SMYD3: variants seen among roughly 807,000 people sequenced by gnomAD.
SMYD3 encodes the protein histone-lysine N-methyltransferase SMYD3.
Under a neutral mutation model 57.7 loss-of-function variants are expected in SMYD3, and 36 were observed. The ratio of observed to expected loss-of-function variants is 0.62; its 90% CI spans 0.48 to 0.82. SMYD3 has a LOEUF of 0.82. Ranked by LOEUF, SMYD3 falls within the 40% of genes least tolerant of loss-of-function variation. The pLI, the probability that SMYD3 is intolerant of heterozygous loss-of-function variation, is 0.00. For synonymous variants in SMYD3, 211 were observed against 195.0 expected, an observed-to-expected ratio of 1.08 and a Z score of -0.68; for missense variants, 515 against 538.8, an observed-to-expected ratio of 0.96 and a Z score of 0.44.
intron 5 of SMYD3, among the ~76,000 whole-genome samples, chr1:246,255,511 A>T (rs1478398786): frequency 2.6e-5 from 4 of 151,944 alleles, no homozygotes; most frequent in Non-Finnish European, 5.9e-5. Flanking sequence ...ATCAACTTTC[A>T]TCCCAGGAAT....
intron 10 of SMYD3, among the ~76,000 whole-genome samples, chr1:245,855,417 T>C (rs998893485): frequency 2.0e-5 from 3 of 152,182 alleles, no homozygotes; most frequent in Non-Finnish European, 4.4e-5. Flanking sequence ...TCTGTAACCA[T>C]CTTTAATAGG....
chr1:246,475,329 GA>G (rs573868002), intron 1 of SMYD3, among the ~76,000 whole-genome samples: 2,422 of 102,956 alleles, frequency 0.024, 24 homozygotes, highest in Non-Finnish European at 0.034. Flanking sequence ...GACTGTCTCA[GA>G]AAAAAAAAAA....
intron 8 of SMYD3, 108 bp from the exon 9 acceptor site, chr1:245,863,994 T>C (rs1026384995): frequency 1.3e-5 from 12 of 952,552 alleles, no homozygotes; most frequent in African/African-American, 1.6e-5. Flanking sequence ...CCTGAAAAGA[T>C]GCTTGGCATC....
intron 1 of SMYD3, among the ~76,000 whole-genome samples, chr1:246,368,267 T>C (rs996013867): frequency 1.3e-5 from 2 of 152,150 alleles, no homozygotes; most frequent in African/African-American, 2.4e-5. Context: ...GGGGGTACTA[T>C]CTTAGGGACC....
intron 5 of SMYD3, among the ~76,000 whole-genome samples, chr1:246,185,848 A>G (rs1026601776): frequency 6.6e-6 from 1 of 152,228 alleles, no homozygotes; most frequent in African/African-American, 2.4e-5. Context: ...GCCAAAAAGA[A>G]CTTACACAAT....
chr1:245,968,189 T>C (rs2058203816), intron 5 of SMYD3, among the ~76,000 whole-genome samples: 1 of 151,906 alleles, frequency 6.6e-6, no homozygotes, highest in Admixed American at 6.6e-5. Context: ...ACCACAGATC[T>C]GAGCACTTTA....
chr1:246,156,054 G>A (rs182875612), intron 5 of SMYD3, among the ~76,000 whole-genome samples: 1 of 151,782 alleles, frequency 6.6e-6, no homozygotes, highest in Non-Finnish European at 1.5e-5. Context: ...TCGAAGGACA[G>A]AATTTTTTTT....
chr1:246,080,491 G>A (rs546454215), intron 5 of SMYD3, among the ~76,000 whole-genome samples: 2 of 152,242 alleles, frequency 1.3e-5, no homozygotes, highest in East Asian at 3.9e-4. Context: ...CCCCATCCAT[G>A]AAAAACTGTC....
At chr1:246,156,954 C>T (rs1014416989) in intron 5 of SMYD3, among the ~76,000 whole-genome samples, 1 of 152,126 alleles carries the variant, frequency 6.6e-6, no homozygotes, top group Non-Finnish European at 1.5e-5. Context: ...ATAAACAATC[C>T]AACGTAGGCA....
At chr1:246,246,240 T>A (rs2063701890) in intron 5 of SMYD3, among the ~76,000 whole-genome samples, 1 of 152,230 alleles carries the variant, frequency 6.6e-6, no homozygotes, top group Non-Finnish European at 1.5e-5. Flanking sequence ...TCTCTTCCCC[T>A]TTACTACCTA....
intron 5 of SMYD3, among the ~76,000 whole-genome samples, chr1:246,121,799 G>A (rs1203738366): frequency 6.6e-6 from 1 of 152,184 alleles, no homozygotes; most frequent in African/African-American, 2.4e-5. Flanking sequence ...AGGGAAAAGA[G>A]TGCAGCGTTA....
chr1:246,016,859 T>C (rs1005190471), intron 5 of SMYD3, among the ~76,000 whole-genome samples: 7 of 152,078 alleles, frequency 4.6e-5, no homozygotes, highest in South Asian at 4.2e-4. Context: ...GTTCAGCCAA[T>C]GTGTGGCCAT....
chr1:246,108,436 A>T (rs1002818139), intron 5 of SMYD3, among the ~76,000 whole-genome samples: 1 of 152,216 alleles, frequency 6.6e-6, no homozygotes, highest in African/African-American at 2.4e-5. Context: ...TAATGTTATC[A>T]ACATCCATCC....
At chr1:245,876,308 A>C (rs1292594975) in intron 8 of SMYD3, among the ~76,000 whole-genome samples, 5 of 152,224 alleles carry the variant, frequency 3.3e-5, no homozygotes. Context: ...TTAAGAATAC[A>C]GACCGGGTTC....
intron 5 of SMYD3, among the ~76,000 whole-genome samples, chr1:245,998,464 G>GA (rs1368362126): frequency 3.4e-4 from 52 of 152,204 alleles, no homozygotes; most frequent in African/African-American, 1.3e-3. Context: ...ATTTCCATGT[G>GA]ACAACCACAT....
At chr1:245,920,855 A>G (rs1410375390) in intron 7 of SMYD3, among the ~76,000 whole-genome samples, 2 of 152,198 alleles carry the variant, frequency 1.3e-5, no homozygotes, top group Non-Finnish European at 2.9e-5. Flanking sequence ...AAAACCTAAG[A>G]AACACCATTC....
intron 5 of SMYD3, among the ~76,000 whole-genome samples, chr1:246,177,780 A>C (rs561368750): frequency 9.8e-5 from 15 of 152,356 alleles, no homozygotes; most frequent in Admixed American, 3.9e-4. Flanking sequence ...AATGATTAGT[A>C]CATAGAAAAG....
intron 5 of SMYD3, among the ~76,000 whole-genome samples, chr1:246,046,068 A>C (rs961854529): frequency 2.0e-5 from 3 of 152,212 alleles, no homozygotes; most frequent in African/African-American, 7.2e-5. Flanking sequence ...ACAGTGTGGC[A>C]ATTCCTCAGG....
chr1:246,201,264 C>T (rs537621772), intron 5 of SMYD3, among the ~76,000 whole-genome samples: 9 of 152,258 alleles, frequency 5.9e-5, no homozygotes, highest in Non-Finnish European at 1.2e-4. Context: ...AATATGGACA[C>T]ATCCACAAAA....
Sources: allele counts gnomAD v4.1 joint callset (sites outside exome capture counted in the v4.1 genomes callset), GRCh38; gene constraint gnomAD v4.1.1; transcripts MANE v1.5; gene names NCBI Gene and HGNC (gene_info 2026-07-23, HGNC 2026-07-21).